MYO18A: variants seen among roughly 807,000 people sequenced by gnomAD.
MYO18A encodes the protein unconventional myosin-XVIIIa.
In MYO18A, 78 loss-of-function variants were observed where a neutral mutation model predicts 235.8. The ratio of observed to expected loss-of-function variants is 0.33; its 90% CI spans 0.28 to 0.40. The LOEUF is 0.40. MYO18A is among the 10% of genes least tolerant of loss of function. The probability of loss-of-function intolerance (pLI) is 1.00; values close to 1 mark genes in which losing one functional copy is unlikely to be tolerated. For synonymous variants in MYO18A, 977 were observed against 1,077.8 expected, an observed-to-expected ratio of 0.91 and a Z score of 1.83; for missense variants, 2,215 against 2,699.3, an observed-to-expected ratio of 0.82 and a Z score of 3.98.
At position 29,092,862 on chromosome 17, in the gene MYO18A, T is replaced by G. The variant is rs779297031; in HGVS notation, c.5066A>C (p.Lys1689Thr). 2.5e-6 allele frequency: 4 copies of G among 1,613,920 alleles called. No individual in the cohort carries two copies. The highest frequency in any genetic ancestry group is 3.4e-6 in the Non-Finnish European group (4 of 1,179,884). ...APSKREIAQL[K>T]NQLEESEFTC... is the part of the protein sequence containing the mutation. ...TGTGCTCTCTGTGGATACCTGGTTC[T>G]TGAGCTGGGCAATCTCTCGCTTGCT... The change falls in exon 33 of 42, where the codon AAG becomes ACG. Residue 1689 changes from lysine to threonine, a missense_variant. Transcript: ENST00000527372.
chr17:29,133,305 A>G (rs1304882742), intron 2 of MYO18A, among the ~76,000 whole-genome samples: 1 of 152,206 alleles, frequency 6.6e-6, no homozygotes, highest in African/African-American at 2.4e-5. Context: ...GACTATGCAC[A>G]CGCATAAAGG....
At chr17:29,078,368 C>G (rs2066036490) in intron 41 of MYO18A, 1 of 152,270 alleles carries the variant, frequency 6.6e-6, no homozygotes, top group Admixed American at 6.5e-5. Context: ...AACAGAGATG[C>G]TTCCTGTTCC....
At chr17:29,147,342 T>C (rs978682714) in intron 2 of MYO18A, among the ~76,000 whole-genome samples, 7 of 149,966 alleles carry the variant, frequency 4.7e-5, no homozygotes, top group Non-Finnish European at 8.9e-5. Flanking sequence ...CATGGCAAAA[T>C]CCCATCTCTA....
chr17:29,136,235 GAAA>G lies in MYO18A; in HGVS notation c.1000-13985_1000-13983del, dbSNP rs1181249964. Among the ~76,000 whole-genome samples the G allele has an allele frequency of 5.1e-3, 542 of 105,262 alleles. 1 individual carries two copies. Among genetic ancestry groups the G allele is most frequent in the South Asian group, 0.011 (34 of 3,036 alleles). 69.1% of individuals were successfully genotyped at this position (105,262 alleles called of 152,430 possible). The stretch of plus-strand genomic sequence containing the variant: ...GACCGAGTGAGACCCCATCTCAAAA[GAAA>G]AAAAAAAAAAAAATATATATATATA... On this transcript the variant is annotated intron_variant, in intron 2 of 41. Coordinates refer to ENST00000527372, the MANE Select transcript of MYO18A (RefSeq NM_078471.4).
chr17:29,151,927 G>A (rs146380888), intron 2 of MYO18A, among the ~76,000 whole-genome samples: 3 of 152,312 alleles, frequency 2.0e-5, no homozygotes, highest in African/African-American at 7.2e-5. Context: ...ACTAGATGAA[G>A]CAAAGGAGGA....
chr17:29,116,560 T>C (rs532937516), intron 10 of MYO18A, 105 bp from the exon 11 acceptor site: 2 of 1,365,636 alleles, frequency 1.5e-6, no homozygotes, highest in Admixed American at 1.7e-5. Flanking sequence ...GGCGGGGGTG[T>C]TGTGAGGATG....
In MYO18A at chr17:29,117,329, G is replaced by A. The variant is rs1317261156; in HGVS notation, c.2038+716C>T. On this transcript the variant is annotated intron_variant, in intron 10 of 41. Coordinates refer to ENST00000527372, the MANE Select transcript of MYO18A (RefSeq NM_078471.4). The surrounding 1 kb of genome is among the most constrained non-coding windows in gnomAD (Gnocchi z 4.6). ...CGGTGCCTGCTGCCCCCTAGTGGCC[G>A]CCACCCTGACATGCAAGAGGAAGAT... 1.3e-5 allele frequency among the ~76,000 whole-genome samples: 2 copies of A among 152,112 alleles called. No homozygotes were observed. Among genetic ancestry groups the A allele is most frequent in the South Asian group, 2.1e-4 (1 of 4,826 alleles).
chr17:29,143,302 G>C (rs2067781270), intron 2 of MYO18A, among the ~76,000 whole-genome samples: 1 of 152,012 alleles, frequency 6.6e-6, no homozygotes, highest in African/African-American at 2.4e-5. Context: ...GCACTATCTT[G>C]GTTCCCTGAA....
At chr17:29,124,692 C>T in intron 2 of MYO18A, 4 of 1,283,748 alleles carry the variant, frequency 3.1e-6, no homozygotes, top group South Asian at 1.2e-5. Flanking sequence ...AGTCCAGCTA[C>T]CGACAGCAAG....
intron 10 of MYO18A, among the ~76,000 whole-genome samples, chr17:29,116,725 TCCCCCCC>T (rs969314500): frequency 1.1e-3 from 4 of 3,568 alleles, no homozygotes; most frequent in South Asian, 0.059. Flanking sequence ...AAACACACCC[TCCCCCCC>T]CCCCCCCCCC....
intron 38 of MYO18A, 126 bp from the exon 39 acceptor site, chr17:29,086,703 A>G (rs188733881): frequency 1.5e-6 from 2 of 1,334,662 alleles, no homozygotes; most frequent in Admixed American, 4.7e-5. Flanking sequence ...AGGCTGCCAG[A>G]GCCTTTTCCG....
At chr17:29,112,901 G>A (rs2066966819) in intron 15 of MYO18A, among the ~76,000 whole-genome samples, 2 of 152,224 alleles carry the variant, frequency 1.3e-5, no homozygotes, top group Non-Finnish European at 2.9e-5. Context: ...CGAGTAGCAG[G>A]AACGAGCAAT....
chr17:29,111,973 G>T lies in MYO18A; in HGVS notation c.2599-110C>A. ...CAGAATGCTACACATGTGCACACAT[G>T]CACACACGCACATGCCGCAGCTCCT... On this transcript the variant is annotated intron_variant, in intron 15 of 41. Coordinates refer to ENST00000527372, the MANE Select transcript of MYO18A (RefSeq NM_078471.4). The surrounding 1 kb of genome is among the most constrained non-coding windows in gnomAD (Gnocchi z 5.1). 1 of 1,320,832 alleles carries T rather than the reference G, an allele frequency of 7.6e-7. No individual in the cohort carries two copies. Among genetic ancestry groups the T allele is most frequent in the Non-Finnish European group, 1.0e-6 (1 of 969,404 alleles). 81.8% of individuals were successfully genotyped at this position (1,320,832 alleles called of 1,614,324 possible).
chr17:29,079,418 C>T (rs1252284670), intron 41 of MYO18A, among the ~76,000 whole-genome samples: 3 of 152,330 alleles, frequency 2.0e-5, no homozygotes, highest in East Asian at 3.9e-4. Context: ...GACTTTGTTA[C>T]GGAGTTACTG....
At chr17:29,087,354 T>G (rs1287197740) in intron 37 of MYO18A, among the ~76,000 whole-genome samples, 1 of 152,188 alleles carries the variant, frequency 6.6e-6, no homozygotes, top group Non-Finnish European at 1.5e-5. Flanking sequence ...TGAATGTGAA[T>G]GCACTCTGAA....
intron 2 of MYO18A, among the ~76,000 whole-genome samples, chr17:29,136,250 A>AAAAAAAAT (rs1483354837): frequency 7.3e-5 from 6 of 82,472 alleles, no homozygotes; most frequent in African/African-American, 1.8e-4. Context: ...AAAAAAAAAA[A>AAAAAAAAT]ATATATATAT....
chr17:29,072,596 A>AG lies in MYO18A; in HGVS notation c.*2173dup. Reference sequence around the variant, plus strand: ...TCTCTGTTCTATCGTGGGGCAATGGAGGGGGCAGTCTCTGTTCGAGACAGA... The same window carrying AG: ...TCTCTGTTCTATCGTGGGGCAATGGAGGGGGGCAGTCTCTGTTCGAGACAGA... On this transcript the variant is annotated 3_prime_UTR_variant, in exon 42 of 42. Transcript: ENST00000527372. 1 of 152,264 alleles carries AG rather than the reference A, an allele frequency of 6.6e-6. No individual in the cohort carries two copies. The highest frequency in any genetic ancestry group is 2.4e-5 in the African/African-American group (1 of 41,522). 9.4% of individuals were successfully genotyped at this position (152,264 alleles called of 1,614,324 possible).
chr17:29,086,664 T>C, intron 38 of MYO18A, 87 bp from the exon 39 acceptor site: 4 of 1,499,470 alleles, frequency 2.7e-6, no homozygotes. Context: ...TACTTTCCGG[T>C]CATGGGGGTG....
chr17:29,124,486 C>T lies in MYO18A; in HGVS notation c.1000-2233G>A, dbSNP rs373515277. ...GCACCATCTCAAGCTCCCGGCACTA[C>T]CTCCCGCTGGGGTCCTCCCAGACAC... On this transcript the variant is annotated intron_variant, in intron 2 of 41. Transcript: ENST00000527372. 2.6e-5 allele frequency among the ~76,000 whole-genome samples: 4 copies of T among 152,308 alleles called. No homozygotes were observed. The South Asian group carries it at 6.2e-4, about 24-fold the overall frequency.
Sources: allele counts gnomAD v4.1 joint callset (sites outside exome capture counted in the v4.1 genomes callset), GRCh38; gene constraint gnomAD v4.1.1; non-coding constraint Gnocchi (gnomAD v3.1); transcripts MANE v1.5; gene names NCBI Gene and HGNC (gene_info 2026-07-23, HGNC 2026-07-21).